Variants in GPR161 observed in about 807,000 individuals in gnomAD.
GPR161 encodes the protein G-protein coupled receptor RE2.
GPR161 carries 25 observed loss-of-function variants against 39.2 expected under a neutral mutation model. The ratio of observed to expected loss-of-function variants is 0.64; its 90% CI spans 0.47 to 0.89. The LOEUF (loss-of-function observed/expected upper bound fraction) is 0.89, where lower values mean the gene tolerates loss of function less well. Among genes scored for constraint, GPR161 ranks in the 40% least tolerant of loss-of-function variants. The pLI is 0.00. For missense variants in GPR161, 547 were observed against 677.8 expected, an observed-to-expected ratio of 0.81 and a Z score of 2.14; for synonymous variants, 286 against 276.6, an observed-to-expected ratio of 1.03 and a Z score of -0.34.
chr1:168,089,097 T>C (rs866156002), intron 4 of GPR161: 1 of 152,196 alleles, frequency 6.6e-6, no homozygotes, highest in Non-Finnish European at 1.5e-5. Flanking sequence ...GTTCAATCTT[T>C]TATGAACTGA....
intron 1 of GPR161, chr1:168,136,486 G>A: frequency 7.9e-7 from 1 of 1,262,716 alleles, no homozygotes; most frequent in Middle Eastern, 2.7e-4. Context: ...AGAAGCCCCA[G>A]GCCGCAGGGG....
rs573919490 is a variant in GPR161 at position 168,081,510 on chromosome 1, A to C, written c.*4021T>G. 2.0e-5 allele frequency: 3 copies of C among 152,358 alleles called. No individual in the cohort carries two copies. The highest frequency in any genetic ancestry group is 6.5e-5 in the Admixed American group (1 of 15,308). 9.4% of individuals were successfully genotyped at this position (152,358 alleles called of 1,614,324 possible). On this transcript the variant is annotated 3_prime_UTR_variant, in exon 6 of 6. Coordinates refer to ENST00000682931, the MANE Select transcript of GPR161 (RefSeq NM_001375883.1). ...CAGGCATTGTGCTGCATGCTTTCCA[A>C]GTATTTCCTCATAGAATCCAGACAG...
At chr1:168,114,605 A>C (rs1243866732) in intron 1 of GPR161, 4 of 151,616 alleles carry the variant, frequency 2.6e-5, no homozygotes, top group African/African-American at 9.7e-5. Flanking sequence ...CTGGGTTTGA[A>C]GCCCAGCCCA....
chr1:168,119,793 A>G (rs750485413), intron 1 of GPR161, among the ~76,000 whole-genome samples: 14 of 152,136 alleles, frequency 9.2e-5, no homozygotes, highest in Non-Finnish European at 2.9e-5. Context: ...GAGTTCTCAC[A>G]TTGTTTCAGT....
At chr1:168,095,925 A>C (rs942119500) in intron 3 of GPR161, among the ~76,000 whole-genome samples, 51 of 152,144 alleles carry the variant, frequency 3.4e-4, no homozygotes, top group Admixed American at 2.4e-3. Flanking sequence ...ACTTGAGGTC[A>C]GGAGTTTGAG....
chr1:168,090,648 G>T lies in GPR161; in HGVS notation c.1120C>A (p.Leu374Ile). ...TGTCCACCTGCCATGAGCGCAGTGA[G>T]GTGTGGGGACAGGCCCAGGTCTGAA... The part of the protein sequence containing the change: ...RITDLGLSPH[L>I]TALMAGGQPL... Residue 374 changes from leucine (L) to isoleucine (I), a missense_variant, in exon 4 of 6, where the codon CTC becomes ATC. By Grantham distance (5) the Leu-to-Ile change is conservative. Transcript: ENST00000682931. The T allele has an allele frequency of 6.2e-7, 1 of 1,609,742 alleles. No homozygotes were observed. The highest frequency in any genetic ancestry group is 8.5e-7 in the Non-Finnish European group (1 of 1,176,432).
chr1:168,110,037 T>C (rs529749590), intron 1 of GPR161, among the ~76,000 whole-genome samples: 1 of 152,214 alleles, frequency 6.6e-6, no homozygotes, highest in South Asian at 2.1e-4. Flanking sequence ...AATAAACCCA[T>C]GTAAAAATTA....
intron 1 of GPR161, among the ~76,000 whole-genome samples, chr1:168,123,628 G>C (rs2102240800): frequency 6.6e-6 from 1 of 151,812 alleles, no homozygotes; most frequent in Non-Finnish European, 1.5e-5. Context: ...CTGCAAAGTG[G>C]TGGAAAGCTA....
chr1:168,084,681 C>A lies in GPR161; in HGVS notation c.*850G>T. On this transcript the variant is annotated 3_prime_UTR_variant, in exon 6 of 6. Transcript: ENST00000682931. ...CTTTCCCATGTGAACAAATTCCCTT[C>A]CATAATAACAGTTTCTCTATTTCCT... is the stretch of plus-strand genomic sequence containing the variant. 1 of 371,512 alleles carries A rather than the reference C, an allele frequency of 2.7e-6. No individual in the cohort carries two copies. The highest frequency in any genetic ancestry group is 5.2e-6 in the Non-Finnish European group (1 of 191,440). The allele number at this position is 371,512 out of a possible 1,614,324, so 23.0% of individuals were successfully genotyped here. A position where few individuals can be genotyped will look rare whatever the true frequency, so the allele number is the denominator to read the frequency against.
At chr1:168,090,365 G>A in intron 4 of GPR161, 199 bp downstream of exon 4, 1 of 498,418 alleles carries the variant, frequency 2.0e-6, no homozygotes, top group South Asian at 3.2e-5. Flanking sequence ...CCATTTTGTA[G>A]AGGAAGAAAC....
At position 168,087,846 on chromosome 1, in the gene GPR161, G is replaced by A. The variant is rs890467888; in HGVS notation, c.1205-142C>T. The A allele has an allele frequency of 3.9e-5, 31 of 791,294 alleles. No homozygotes were observed. The East Asian group carries it at 6.8e-4, about 17-fold the overall frequency. The allele number at this position is 791,294 out of a possible 1,614,324, so 49.0% of individuals were successfully genotyped here. ...AGTGGAGCTGACTGCGCCGCAGCACGTGCCCAAGAAACACCCGCCTGTCAT... is the reference window on the plus strand; with the variant it reads ...AGTGGAGCTGACTGCGCCGCAGCACATGCCCAAGAAACACCCGCCTGTCAT... On this transcript the variant is annotated intron_variant, in intron 4 of 5. Coordinates refer to ENST00000682931, the MANE Select transcript of GPR161 (RefSeq NM_001375883.1).
In GPR161 at chr1:168,096,988, A is replaced by C. The variant is rs1440912804; in HGVS notation, c.619T>G (p.Cys207Gly). The change falls in exon 3 of 6, where the codon TGC (cysteine) becomes GGC (glycine). Residue 207 changes from cysteine (C) to glycine (G), a missense_variant. Coordinates refer to ENST00000682931, the MANE Select transcript of GPR161 (RefSeq NM_001375883.1). ...ALFPFLVMLV[C>G]YGFIFRVARV... ...GCCACGCGGAAGATGAAGCCATAGC[A>C]CACCAGCATGACCAGAAAGGGGAAG... The C allele has an allele frequency of 6.2e-7, 1 of 1,614,168 alleles. No homozygotes were observed.
In GPR161 at chr1:168,135,957, A is replaced by G. The variant is rs958911942; in HGVS notation, c.-45+782T>C. 5.4e-6 allele frequency: 5 copies of G among 931,342 alleles called. No individual in the cohort carries two copies. In the South Asian group the frequency reaches 2.7e-4, roughly 51 times the overall value. 57.7% of individuals were successfully genotyped at this position (931,342 alleles called of 1,614,324 possible). A position where few individuals can be genotyped will look rare whatever the true frequency, so the allele number is the denominator to read the frequency against. The stretch of plus-strand genomic sequence containing the variant: ...TATAAAGCGATGCCAATGCGCAGCT[A>G]TGTGGTTACTGGTGAGCAGACCTCC... On this transcript the variant is annotated intron_variant, in intron 1 of 5. Coordinates refer to ENST00000682931, the MANE Select transcript of GPR161 (RefSeq NM_001375883.1).
intron 4 of GPR161, chr1:168,089,277 A>C (rs2102105958): frequency 6.6e-6 from 1 of 152,348 alleles, no homozygotes; most frequent in East Asian, 1.9e-4. Flanking sequence ...ACTGGGGAGT[A>C]ACAGAGACTT....
At chr1:168,135,245 T>C (rs548653303) in intron 1 of GPR161, among the ~76,000 whole-genome samples, 2 of 152,312 alleles carry the variant, frequency 1.3e-5, no homozygotes, top group Admixed American at 1.3e-4. Context: ...CTGAGTTCAA[T>C]CTGGGCTGCT....
chr1:168,102,870 T>A (rs116683343), intron 2 of GPR161, among the ~76,000 whole-genome samples: 1,722 of 150,376 alleles, frequency 0.011, 39 homozygotes, highest in African/African-American at 0.039. Context: ...AACAACAAGA[T>A]CCCATTCCTC....
At chr1:168,106,549 T>G (rs996231994) in intron 1 of GPR161, among the ~76,000 whole-genome samples, 1 of 152,228 alleles carries the variant, frequency 6.6e-6, no homozygotes, top group Non-Finnish European at 1.5e-5. Flanking sequence ...TTTGTGTCAC[T>G]GAGCTCCAGC....
chr1:168,136,333 T>C (rs1341466408), intron 1 of GPR161: 1 of 1,480,602 alleles, frequency 6.8e-7, no homozygotes, highest in Admixed American at 2.2e-5. Flanking sequence ...ACGTGGAGTC[T>C]CTTGGCCCCA....
chr1:168,119,960 C>T (rs994481679), intron 1 of GPR161, among the ~76,000 whole-genome samples: 2 of 152,200 alleles, frequency 1.3e-5, no homozygotes, highest in Non-Finnish European at 2.9e-5. Flanking sequence ...GGGCAGAGCC[C>T]TCATGAAGAA....
Sources: gnomAD v4.1 joint callset for allele counts (sites outside exome capture counted in the v4.1 genomes callset) on GRCh38, gnomAD v4.1.1 for gene constraint, MANE v1.5 for transcripts, NCBI Gene and HGNC (gene_info 2026-07-23, HGNC 2026-07-21) for gene names.